The following ANTXRL variants were observed in gnomAD, a reference collection of about 807,000 sequenced individuals.
The protein encoded by ANTXRL is anthrax toxin receptor-like.
In ANTXRL, 63 loss-of-function variants were observed where a neutral mutation model predicts 75.4. That is an observed-to-expected ratio of 0.84 (90% CI 0.68 to 1.03). The LOEUF (loss-of-function observed/expected upper bound fraction) is 1.03. ANTXRL is among the 50% of genes least tolerant of loss of function. The pLI, the probability that ANTXRL is intolerant of heterozygous loss-of-function variation, is 0.00. For synonymous variants in ANTXRL, 335 were observed against 291.3 expected (o/e 1.15, Z -1.53); for missense variants, 797 against 789.4 (o/e 1.01, Z -0.12).
At chr10:46,306,494 A>G (rs1448740236) in intron 10 of ANTXRL, among the ~76,000 whole-genome samples, 1 of 152,080 alleles carries the variant, frequency 6.6e-6, no homozygotes, top group Non-Finnish European at 1.5e-5. Context: ...CTGGTCATGG[A>G]CATCACAGCA....
In ANTXRL at chr10:46,287,048, G is replaced by A. The variant is rs1836793084; in HGVS notation, c.-215G>A. ...TGGGGGAAGGGCCAGGCAGGTAGCT[G>A]GAAGCAAGTCTCCCAGAGCCAGCTG... On this transcript the variant is annotated 5_prime_UTR_variant, in exon 1 of 17. Coordinates refer to ENST00000620264, the MANE Select transcript of ANTXRL (RefSeq NM_001278688.3). 1.6e-6 allele frequency: 1 copy of A among 618,608 alleles called. No individual in the cohort carries two copies. The highest frequency in any genetic ancestry group is 2.8e-6 in the Non-Finnish European group (1 of 361,968). 38.3% of individuals were successfully genotyped at this position (618,608 alleles called of 1,614,324 possible).
At chr10:46,313,197 C>T in intron 15 of ANTXRL, 39 bp from the exon 16 acceptor site, 1 of 1,518,606 alleles carries the variant, frequency 6.6e-7, no homozygotes, top group Non-Finnish European at 8.8e-7. Context: ...AGGCAGTGTC[C>T]AAGCTGCATG....
chr10:46,323,914 G>A (rs1839093809), intron 16 of ANTXRL, among the ~76,000 whole-genome samples: 1 of 152,114 alleles, frequency 6.6e-6, no homozygotes, highest in South Asian at 2.1e-4. Flanking sequence ...TGCAACCCAG[G>A]ATCCTCAATA....
rs781942620 is a variant in ANTXRL at position 46,293,908 on chromosome 10, C to A, written c.392+8C>A. On this transcript the variant is annotated splice_region_variant and intron_variant, in intron 3 of 16. Coordinates refer to ENST00000620264, the MANE Select transcript of ANTXRL (RefSeq NM_001278688.3). ...GCCACTCACCTCAGACAAGTGAGTG[C>A]TGCTTTGAGCCCCAAAGGGAGGCCT... The A allele has an allele frequency of 2.0e-6, 3 of 1,535,252 alleles. No individual in the cohort carries two copies. The highest frequency in any genetic ancestry group is 3.9e-5 in the Admixed American group (2 of 50,956).
In ANTXRL at chr10:46,298,040, G is replaced by A; in HGVS notation, c.774G>A (p.Glu258=). The A allele has an allele frequency of 6.5e-7, 1 of 1,535,896 alleles. No individual in the cohort carries two copies. Among genetic ancestry groups the A allele is most frequent in the Non-Finnish European group, 8.7e-7 (1 of 1,146,736 alleles). The stretch of plus-strand genomic sequence containing the variant: ...TCTGTCTTGATGTGACATCGGTGGA[G>A]CCTTCCTCTGAGTGTGTAGGAGGTG... ...SKVCLDVTSV[E]PSSECVGEPY... Residue 258 remains glutamate, a synonymous_variant, in exon 9 of 17, where the codon GAG becomes GAA. Transcript: ENST00000620264.
intron 16 of ANTXRL, among the ~76,000 whole-genome samples, chr10:46,327,178 C>T (rs1463272138): frequency 6.6e-6 from 1 of 152,086 alleles, no homozygotes; most frequent in Non-Finnish European, 1.5e-5. Context: ...AGGGCATGGC[C>T]AGCTCTTCTA....
At chr10:46,300,016 C>T (rs1837622284) in intron 9 of ANTXRL, among the ~76,000 whole-genome samples, 1 of 152,206 alleles carries the variant, frequency 6.6e-6, no homozygotes. Flanking sequence ...GACAGCTGTG[C>T]TCCTCTGATG....
rs144568298 is a variant in ANTXRL at position 46,297,189 on chromosome 10, G to A, written c.509-63G>A. ...GGGCCCAGCCATCTGCAGGGGTTCCGGAGCTTCTGGAGGTCACTCCTGGTG... is the reference window on the plus strand; with the variant it reads ...GGGCCCAGCCATCTGCAGGGGTTCCAGAGCTTCTGGAGGTCACTCCTGGTG... On this transcript the variant is annotated intron_variant, in intron 5 of 16. Transcript: ENST00000620264. 22 of 1,391,250 alleles carry A rather than the reference G, an allele frequency of 1.6e-5. No individual in the cohort carries two copies. In the Middle Eastern group the frequency reaches 5.3e-4, roughly 34 times the overall value. 86.2% of individuals were successfully genotyped at this position (1,391,250 alleles called of 1,614,324 possible).
intron 16 of ANTXRL, among the ~76,000 whole-genome samples, chr10:46,317,654 T>C (rs180880720): frequency 5.4e-4 from 82 of 152,178 alleles, no homozygotes; most frequent in African/African-American, 2.0e-3. Context: ...AACTTTGGTA[T>C]TGCAATTACA....
At position 46,329,512 on chromosome 10, in the gene ANTXRL, CCATCCCTTTGAGCCAG is replaced by C. The variant is rs1269987621; in HGVS notation, c.1411-86_1411-71del. On this transcript the variant is annotated intron_variant, in intron 16 of 16. Coordinates refer to ENST00000620264, the MANE Select transcript of ANTXRL (RefSeq NM_001278688.3). ...CTGTGGGTCCCGATGGGTCCTGGCC[CCATCCCTTTGAGCCAG>C]GCAACCGCAGCCTTCTGAGCCCAGT... is the stretch of plus-strand genomic sequence containing the variant. 5 of 1,479,568 alleles carry C rather than the reference CCATCCCTTTGAGCCAG, an allele frequency of 3.4e-6. No homozygotes were observed. The African/African-American group carries it at 7.0e-5, about 21-fold the overall frequency. The allele number at this position is 1,479,568 out of a possible 1,614,324, so 91.7% of individuals were successfully genotyped here.
At chr10:46,327,060 C>G (rs1839251636) in intron 16 of ANTXRL, among the ~76,000 whole-genome samples, 1 of 152,112 alleles carries the variant, frequency 6.6e-6, no homozygotes, top group Non-Finnish European at 1.5e-5. Context: ...TCAAGGAAGG[C>G]AGCTTGTCAG....
intron 16 of ANTXRL, among the ~76,000 whole-genome samples, chr10:46,327,768 T>G (rs1163715645): frequency 1.3e-5 from 2 of 152,108 alleles, no homozygotes; most frequent in African/African-American, 4.8e-5. Context: ...GAGCGTTTCC[T>G]TGGGACCATC....
intron 10 of ANTXRL, 86 bp downstream of exon 10, chr10:46,302,906 T>A (rs1167392786): frequency 6.1e-5 from 66 of 1,082,342 alleles, no homozygotes; most frequent in Non-Finnish European, 7.8e-5. Flanking sequence ...TCCCAGCCCT[T>A]GCCAACCATT....
At chr10:46,322,448 A>T (rs1463103490) in intron 16 of ANTXRL, among the ~76,000 whole-genome samples, 1 of 147,402 alleles carries the variant, frequency 6.8e-6, no homozygotes, top group African/African-American at 2.5e-5. Flanking sequence ...ACAAAGTGAG[A>T]CTCCATCTCA....
At position 46,310,493 on chromosome 10, in the gene ANTXRL, A is replaced by G. The variant is rs1838357005; in HGVS notation, c.1167A>G (p.Pro389=). The G allele has an allele frequency of 1.3e-6, 2 of 1,536,300 alleles. No homozygotes were observed. Among genetic ancestry groups the G allele is most frequent in the Non-Finnish European group, 1.7e-6 (2 of 1,146,748 alleles). The change falls in exon 14 of 17, where the codon CCA becomes CCG. Residue 389 remains proline, a synonymous_variant. Coordinates refer to ENST00000620264, the MANE Select transcript of ANTXRL (RefSeq NM_001278688.3). ...AGGAGCCACCACCTGTGCAGAAGCC[A>G]GAAAAGGTAAGTTGCAGTTCTGGTC... The part of the protein sequence containing the change: ...TVKEPPPVQK[P]EKEPEQEKPP...
Position 46,287,221 on chromosome 10 carries a change from A to C in ANTXRL, c.-42A>C, listed in dbSNP as rs782465255. The C allele has an allele frequency of 4.9e-5, 75 of 1,527,998 alleles. No individual in the cohort carries two copies. Among genetic ancestry groups the C allele is most frequent in the Non-Finnish European group, 6.4e-5 (73 of 1,143,522 alleles). The allele number at this position is 1,527,998 out of a possible 1,614,324, so 94.7% of individuals were successfully genotyped here. Reference sequence around the variant, plus strand: ...GCTCAGCCTCTCTGGGCCCTGGCACAGGCACCCAAGAGTGAGGTGGGGTCA... The same window carrying C: ...GCTCAGCCTCTCTGGGCCCTGGCACCGGCACCCAAGAGTGAGGTGGGGTCA... On this transcript the variant is annotated 5_prime_UTR_variant, in exon 1 of 17. Coordinates refer to ENST00000620264, the MANE Select transcript of ANTXRL (RefSeq NM_001278688.3).
At chr10:46,294,178 T>G in intron 3 of ANTXRL, 3 of 460,276 alleles carry the variant, frequency 6.5e-6, no homozygotes, top group South Asian at 4.6e-5. Flanking sequence ...CCTCCTTCCC[T>G]GAAAGGTGGC....
intron 16 of ANTXRL, among the ~76,000 whole-genome samples, chr10:46,321,507 C>A (rs539894102): frequency 6.6e-6 from 1 of 152,124 alleles, no homozygotes; most frequent in African/African-American, 2.4e-5. Flanking sequence ...GGCCCTGAAG[C>A]CTCACTGCAG....
chr10:46,287,635 TC>T, intron 1 of ANTXRL, 125 bp downstream of exon 1: 1 of 1,329,902 alleles, frequency 7.5e-7, no homozygotes, highest in Non-Finnish European at 1.0e-6. Flanking sequence ...CAAACTTTGG[TC>T]AGACCAGACC....
Sources: allele counts gnomAD v4.1 joint callset (sites outside exome capture counted in the v4.1 genomes callset), GRCh38; gene constraint gnomAD v4.1.1; transcripts MANE v1.5; gene names NCBI Gene and HGNC (gene_info 2026-07-23, HGNC 2026-07-21).